UMAD1: variants seen among roughly 807,000 people sequenced by gnomAD.
UMAD1 encodes the protein UBAP1-MVB12-associated (UMA) domain containing 1, also known as UBAP1-MVB12-associated (UMA)-domain containing protein 1.
A neutral mutation model predicts 6.1 loss-of-function variants in UMAD1; 8 were observed. The ratio of observed to expected loss-of-function variants is 1.30; its 90% confidence interval spans 0.76 to 2.35. The LOEUF is 2.35. UMAD1 is among the 30% of genes most tolerant of loss of function. UMAD1 has a pLI of 0.00. For synonymous variants in UMAD1, 56 were observed against 31.4 expected (o/e 1.78, Z -2.61); for missense variants, 130 against 78.4 (o/e 1.66, Z -2.49).
At chr7:7,781,152 T>C (rs150762896) in intron 2 of UMAD1, among the ~76,000 whole-genome samples, 2 of 152,174 alleles carry the variant, frequency 1.3e-5, no homozygotes, top group African/African-American at 4.8e-5. Context: ...CACATAAACA[T>C]TCAATAACAT....
intron 1 of UMAD1, among the ~76,000 whole-genome samples, chr7:7,645,461 T>A (rs1203718961): frequency 6.6e-6 from 1 of 152,232 alleles, no homozygotes; most frequent in Non-Finnish European, 1.5e-5. Flanking sequence ...TATTTATGGT[T>A]ATCTCATAGG....
intron 1 of UMAD1, among the ~76,000 whole-genome samples, chr7:7,667,168 A>G (rs1008712030): frequency 6.6e-6 from 1 of 152,200 alleles, no homozygotes; most frequent in African/African-American, 2.4e-5. Context: ...CCTGAGTATT[A>G]AGATGCATTA....
intron 1 of UMAD1, among the ~76,000 whole-genome samples, chr7:7,658,130 G>A (rs1475588161): frequency 1.3e-5 from 2 of 152,236 alleles, no homozygotes; most frequent in Middle Eastern, 3.4e-3. Flanking sequence ...TTGGTGTATA[G>A]GAATGCTTGT....
At chr7:7,767,047 A>G (rs1781999200) in intron 2 of UMAD1, among the ~76,000 whole-genome samples, 1 of 152,090 alleles carries the variant, frequency 6.6e-6, no homozygotes, top group Non-Finnish European at 1.5e-5. Flanking sequence ...TTCACCCAAA[A>G]AAAAGATGGC....
chr7:7,866,040 C>A (rs1443008171), intron 3 of UMAD1, among the ~76,000 whole-genome samples: 1 of 152,174 alleles, frequency 6.6e-6, no homozygotes, highest in Non-Finnish European at 1.5e-5. Context: ...TTTATCTCTG[C>A]ATTTAATACC....
chr7:7,675,742 C>T (rs1266283466), intron 2 of UMAD1, among the ~76,000 whole-genome samples: 1 of 152,174 alleles, frequency 6.6e-6, no homozygotes, highest in Non-Finnish European at 1.5e-5. Context: ...AGCAGTTGAA[C>T]AGTCATGGTG....
At position 7,677,053 on chromosome 7, in the gene UMAD1, T is replaced by TA. The variant is rs140590823; in HGVS notation, c.82+3600_82+3601insA. Among the ~76,000 whole-genome samples, 1,174 of 152,258 alleles carry TA rather than the reference T, an allele frequency of 7.7e-3. 21 individuals are homozygous for TA. Among genetic ancestry groups the TA allele is most frequent in the African/African-American group, 0.027 (1,128 of 41,562 alleles). Reference sequence around the variant, plus strand: ...GTAAATAGAAAATGCTTTTAATGCTTTTATTAACATGGACACATACTTGCA... The same window carrying TA: ...GTAAATAGAAAATGCTTTTAATGCTTATTATTAACATGGACACATACTTGCA... On this transcript the variant is annotated intron_variant, in intron 2 of 3. Transcript: ENST00000682710.
At chr7:7,652,065 G>T (rs550334291) in intron 1 of UMAD1, among the ~76,000 whole-genome samples, 31 of 152,116 alleles carry the variant, frequency 2.0e-4, no homozygotes, top group Non-Finnish European at 4.3e-4. Flanking sequence ...TAAGACTTTG[G>T]GGTCTCCATG....
intron 3 of UMAD1, among the ~76,000 whole-genome samples, chr7:7,851,110 T>C (rs1396303879): frequency 6.6e-6 from 1 of 152,210 alleles, no homozygotes; most frequent in Non-Finnish European, 1.5e-5. Context: ...CTGTCTCTTA[T>C]AGATTTACCT....
intron 1 of UMAD1, among the ~76,000 whole-genome samples, chr7:7,659,948 A>G (rs1785434030): frequency 6.6e-6 from 1 of 152,298 alleles, no homozygotes; most frequent in South Asian, 2.1e-4. Flanking sequence ...GTCTCTTTGT[A>G]AGTCTCTAAG....
At chr7:7,729,397 G>A (rs73352745) in intron 2 of UMAD1, among the ~76,000 whole-genome samples, 40,286 of 152,044 alleles carry the variant, frequency 0.26, 6,197 homozygotes, top group African/African-American at 0.43. Context: ...ATGATGTTTC[G>A]TTTTCATCCT....
chr7:7,708,352 TG>T (rs1376447175), intron 2 of UMAD1, among the ~76,000 whole-genome samples: 1 of 152,204 alleles, frequency 6.6e-6, no homozygotes, highest in Non-Finnish European at 1.5e-5. Flanking sequence ...ACAAAATTAT[TG>T]ATTGCTCAGC....
At chr7:7,684,759 C>T (rs558391148) in intron 2 of UMAD1, among the ~76,000 whole-genome samples, 1 of 152,166 alleles carries the variant, frequency 6.6e-6, no homozygotes, top group Non-Finnish European at 1.5e-5. Context: ...AGATTAACAC[C>T]CGTAAACTTT....
chr7:7,794,029 A>G (rs1008504037), intron 2 of UMAD1, among the ~76,000 whole-genome samples: 7 of 152,212 alleles, frequency 4.6e-5, no homozygotes, highest in African/African-American at 1.7e-4. Flanking sequence ...GAGAACTTGC[A>G]TTCTGAAGGT....
chr7:7,761,904 T>C (rs1781897881), intron 2 of UMAD1, among the ~76,000 whole-genome samples: 1 of 152,220 alleles, frequency 6.6e-6, no homozygotes, highest in Non-Finnish European at 1.5e-5. Context: ...CCGTCTCCTT[T>C]GCAGGCCCTT....
intron 1 of UMAD1, among the ~76,000 whole-genome samples, chr7:7,670,355 A>C (rs556123631): frequency 1.3e-5 from 2 of 152,334 alleles, no homozygotes; most frequent in South Asian, 2.1e-4. Context: ...GGGTCTCTCT[A>C]TATATACAAA....
intron 3 of UMAD1, among the ~76,000 whole-genome samples, chr7:7,817,957 G>A (rs1197671237): frequency 6.6e-6 from 1 of 152,124 alleles, no homozygotes; most frequent in Non-Finnish European, 1.5e-5. Flanking sequence ...GGGACTATAG[G>A]CATGTGACAC....
At chr7:7,645,054 A>G (rs1785063542) in intron 1 of UMAD1, among the ~76,000 whole-genome samples, 1 of 152,182 alleles carries the variant, frequency 6.6e-6, no homozygotes, top group Non-Finnish European at 1.5e-5. Context: ...TGTTGCTATT[A>G]TGAATGGTAT....
At chr7:7,696,974 C>G (rs1428662860) in intron 2 of UMAD1, among the ~76,000 whole-genome samples, 1 of 152,076 alleles carries the variant, frequency 6.6e-6, no homozygotes, top group Non-Finnish European at 1.5e-5. Context: ...ATGACCTAAG[C>G]TTAGCAAGCT....
Sources: gnomAD v4.1 joint callset for allele counts (sites outside exome capture counted in the v4.1 genomes callset) on GRCh38, gnomAD v4.1.1 for gene constraint, MANE v1.5 for transcripts, NCBI Gene and HGNC (gene_info 2026-07-23, HGNC 2026-07-21) for gene names.